Variants in SEMA3E observed in about 807,000 individuals in gnomAD.
The protein encoded by SEMA3E is semaphorin 3E, also known as semaphorin-3E.
A neutral mutation model predicts 93.6 loss-of-function variants in SEMA3E; 49 were observed. The ratio of observed to expected loss-of-function variants is 0.52; its 90% CI spans 0.42 to 0.66. SEMA3E has a LOEUF of 0.66. SEMA3E is among the 30% of genes least tolerant of loss of function. The pLI, the probability that SEMA3E is intolerant of heterozygous loss-of-function variation, is 0.00. For missense variants in SEMA3E, 906 were observed against 964.8 expected (o/e 0.94, Z 0.81); for synonymous variants, 363 against 330.7 (o/e 1.10, Z -1.06).
chr7:83,642,082 C>A (rs1794019450), intron 1 of SEMA3E, among the ~76,000 whole-genome samples: 1 of 152,098 alleles, frequency 6.6e-6, no homozygotes, highest in Non-Finnish European at 1.5e-5. Flanking sequence ...TTTTCTAATA[C>A]CTGGGCTTAA....
At chr7:83,480,653 T>C (rs372395167) in intron 2 of SEMA3E, among the ~76,000 whole-genome samples, 3 of 152,196 alleles carry the variant, frequency 2.0e-5, no homozygotes, top group East Asian at 3.8e-4. Flanking sequence ...AAATATTCAA[T>C]TTTCTATGAA....
At chr7:83,639,108 CTCAAAAAAAAAAAA>C (rs1793941039) in intron 1 of SEMA3E, among the ~76,000 whole-genome samples, 2 of 33,654 alleles carry the variant, frequency 5.9e-5, no homozygotes, top group African/African-American at 1.5e-4. Context: ...GAGACTCCGT[CTCAAAAAAAAAAAA>C]AAAAAAAAAA....
At chr7:83,592,385 A>G (rs893638215) in intron 1 of SEMA3E, among the ~76,000 whole-genome samples, 3 of 152,108 alleles carry the variant, frequency 2.0e-5, no homozygotes, top group African/African-American at 7.2e-5. Flanking sequence ...CCAGGTTTAA[A>G]GTACTGTTGA....
intron 5 of SEMA3E, among the ~76,000 whole-genome samples, chr7:83,414,952 G>A (rs748056708): frequency 1.8e-4 from 28 of 152,150 alleles, no homozygotes; most frequent in South Asian, 4.1e-4. Context: ...GGACTGTAAC[G>A]TTACTGAAGA....
intron 1 of SEMA3E, among the ~76,000 whole-genome samples, chr7:83,574,422 A>T (rs1441668473): frequency 6.6e-6 from 1 of 151,428 alleles, no homozygotes; most frequent in Admixed American, 6.6e-5. Flanking sequence ...GAGTGAGGCC[A>T]TACACTGAGA....
chr7:83,521,616 G>A (rs1791050468), intron 1 of SEMA3E, among the ~76,000 whole-genome samples: 1 of 152,122 alleles, frequency 6.6e-6, no homozygotes, highest in Non-Finnish European at 1.5e-5. Flanking sequence ...CAGTTGTGGA[G>A]CCTGGGAAGT....
At chr7:83,437,025 C>T (rs188049327) in intron 4 of SEMA3E, among the ~76,000 whole-genome samples, 237 of 152,156 alleles carry the variant, frequency 1.6e-3, no homozygotes, top group African/African-American at 4.2e-3. Flanking sequence ...TTATAATAAC[C>T]GTCAGATCTC....
At chr7:83,593,092 A>G (rs1249815391) in intron 1 of SEMA3E, among the ~76,000 whole-genome samples, 3 of 152,158 alleles carry the variant, frequency 2.0e-5, no homozygotes, top group African/African-American at 7.2e-5. Context: ...TGCTTGGATT[A>G]CAAGTGGGAT....
At chr7:83,546,569 T>C (rs1201744038) in intron 1 of SEMA3E, among the ~76,000 whole-genome samples, 1 of 152,040 alleles carries the variant, frequency 6.6e-6, no homozygotes. Flanking sequence ...TCATTTGTTT[T>C]TCTTCCATTA....
At chr7:83,507,465 TGTGTGTGTGA>T (rs909099443) in intron 1 of SEMA3E, among the ~76,000 whole-genome samples, 1 of 139,964 alleles carries the variant, frequency 7.1e-6, no homozygotes, top group African/African-American at 2.8e-5. Flanking sequence ...TGTGTGTGTG[TGTGTGTGTGA>T]AAGGGAGAGA....
chr7:83,623,355 A>C (rs1793605375), intron 1 of SEMA3E, among the ~76,000 whole-genome samples: 1 of 152,160 alleles, frequency 6.6e-6, no homozygotes, highest in Admixed American at 6.6e-5. Flanking sequence ...CTCTAATCCG[A>C]GGCATAAAAA....
At chr7:83,594,601 G>T (rs1792828642) in intron 1 of SEMA3E, among the ~76,000 whole-genome samples, 1 of 152,038 alleles carries the variant, frequency 6.6e-6, no homozygotes, top group South Asian at 2.1e-4. Context: ...GTCTGTCTTT[G>T]CTCCCATATT....
At position 83,407,184 on chromosome 7, in the gene SEMA3E, G is replaced by C; in HGVS notation, c.726C>G (p.Asn242Lys). 1 of 1,613,380 alleles carries C rather than the reference G, an allele frequency of 6.2e-7. No individual in the cohort carries two copies. The highest frequency in any genetic ancestry group is 1.3e-5 in the African/African-American group (1 of 74,990). The change falls in exon 7 of 17, where the codon AAC (asparagine) becomes AAG (lysine). Residue 242 changes from asparagine (N) to lysine (K), a missense_variant. Physicochemically the swap from Asn to Lys is moderately conservative, Grantham distance 94. Transcript: ENST00000643230. ...TCTCAGTAAAAAAGAAATATACTTT[G>C]TTGTCATCTCTGTCTTCATTGTCAG... is the stretch of plus-strand genomic sequence containing the variant. The part of the protein sequence containing the change: ...MIPDNEDRDD[N>K]KVYFFFTEKA...
chr7:83,500,338 A>C (rs1790570981), intron 1 of SEMA3E, among the ~76,000 whole-genome samples: 1 of 152,054 alleles, frequency 6.6e-6, no homozygotes, highest in Non-Finnish European at 1.5e-5. Context: ...AGGGAGGCTG[A>C]GGCAGGAGAA....
rs1038193638 is a variant in SEMA3E, at chr7:83,385,299, C to T, written c.1870G>A (p.Glu624Lys). ...AATATGCAGCTATGAATTACCTCCT[C>T]TTTTCTTGTCTCACGTCCTTTCTGT... ...FVQKGRETRK[E>K]EVKTDDRVVK... is the part of the protein sequence containing the mutation. The change falls in exon 16 of 17, where the codon GAG (glutamate) becomes AAG (lysine). Residue 624 changes from glutamate (E) to lysine (K), a missense_variant. By Grantham distance (56) the Glu-to-Lys change is moderately conservative. Coordinates refer to ENST00000643230, the MANE Select transcript of SEMA3E (RefSeq NM_012431.3). The T allele has an allele frequency of 1.2e-6, 2 of 1,613,162 alleles. No homozygotes were observed. The highest frequency in any genetic ancestry group is 1.7e-5 in the Admixed American group (1 of 59,958).
intron 1 of SEMA3E, among the ~76,000 whole-genome samples, chr7:83,588,350 C>CAG (rs1792675659): frequency 1.3e-5 from 2 of 151,844 alleles, no homozygotes. Context: ...CACTGCACTC[C>CAG]AGCCTGGTGG....
chr7:83,648,267 G>A (rs558031485), intron 1 of SEMA3E, among the ~76,000 whole-genome samples, 161 bp downstream of exon 1: 1 of 152,072 alleles, frequency 6.6e-6, no homozygotes, highest in African/African-American at 2.4e-5. Context: ...ATTAATCAGA[G>A]GTACTTAGAA....
chr7:83,433,519 C>A (rs989181990), intron 4 of SEMA3E, among the ~76,000 whole-genome samples: 5 of 151,986 alleles, frequency 3.3e-5, no homozygotes, highest in Admixed American at 6.6e-5. Flanking sequence ...ACAATGCTTC[C>A]CAATTAGTTT....
chr7:83,426,161 G>C (rs906016092), intron 4 of SEMA3E, among the ~76,000 whole-genome samples: 4 of 152,136 alleles, frequency 2.6e-5, no homozygotes, highest in Non-Finnish European at 5.9e-5. Context: ...GTAGAAATCA[G>C]TTTAGAGATT....
Sources: gnomAD v4.1 joint callset for allele counts (sites outside exome capture counted in the v4.1 genomes callset) on GRCh38, gnomAD v4.1.1 for gene constraint, MANE v1.5 for transcripts, NCBI Gene and HGNC (gene_info 2026-07-23, HGNC 2026-07-21) for gene names.